HSD17B6: variants seen among roughly 807,000 people sequenced by gnomAD.
HSD17B6 encodes the protein hydroxysteroid 17-beta dehydrogenase 6, also known as 17-beta-hydroxysteroid dehydrogenase type 6.
In HSD17B6, 16 loss-of-function variants were observed where a neutral mutation model predicts 26.4. The observed-to-expected ratio is 0.61, with a 90% CI of 0.41 to 0.92. The LOEUF is 0.92. Ranked by LOEUF, HSD17B6 falls within the 40% of genes least tolerant of loss-of-function variation. The pLI is 0.00. For missense variants in HSD17B6, 357 were observed against 386.1 expected (o/e 0.92, Z 0.63); for synonymous variants, 139 against 153.0 (o/e 0.91, Z 0.68).
intron 2 of HSD17B6, among the ~76,000 whole-genome samples, chr12:56,777,878 T>C (rs1954627088): frequency 6.6e-6 from 1 of 152,116 alleles, no homozygotes; most frequent in African/African-American, 2.4e-5. Flanking sequence ...TAATAAAATA[T>C]TGCTTCTTGT....
intron 2 of HSD17B6, 121 bp from the exon 3 acceptor site, chr12:56,781,853 A>G (rs1438215544): frequency 5.9e-6 from 6 of 1,022,714 alleles, no homozygotes; most frequent in Non-Finnish European, 8.7e-6. Context: ...TTGGGCTGCA[A>G]ACTCTCATGG....
At chr12:56,763,994 AG>A (rs1479823548) in intron 1 of HSD17B6, among the ~76,000 whole-genome samples, 1 of 140,896 alleles carries the variant, frequency 7.1e-6, no homozygotes, top group Non-Finnish European at 1.5e-5. Context: ...ACCTGAGCCC[AG>A]GAGGTCGAGG....
At chr12:56,784,450 G>A (rs1312511071) in intron 3 of HSD17B6, among the ~76,000 whole-genome samples, 5 of 152,154 alleles carry the variant, frequency 3.3e-5, no homozygotes, top group East Asian at 1.9e-4. Flanking sequence ...CAAGGCTGGC[G>A]GATCACTCGC....
intron 3 of HSD17B6, among the ~76,000 whole-genome samples, chr12:56,783,298 G>A (rs1362029414): frequency 5.3e-4 from 77 of 146,652 alleles, no homozygotes; most frequent in Non-Finnish European, 8.1e-4. Flanking sequence ...CGGACGGGGC[G>A]GCTGGCCAGG....
intron 1 of HSD17B6, among the ~76,000 whole-genome samples, chr12:56,769,103 GTT>G (rs35174136): frequency 3.8e-5 from 5 of 129,998 alleles, no homozygotes; most frequent in Non-Finnish European, 8.0e-5. Flanking sequence ...GCTTTTCAAG[GTT>G]TTTTTTTTTT....
intron 1 of HSD17B6, among the ~76,000 whole-genome samples, chr12:56,769,756 T>C (rs896790418): frequency 1.3e-5 from 2 of 152,182 alleles, no homozygotes; most frequent in Non-Finnish European, 2.9e-5. Flanking sequence ...CTTTTGCAGA[T>C]GAATGGTTTG....
intron 2 of HSD17B6, among the ~76,000 whole-genome samples, chr12:56,775,860 C>T (rs1270850685): frequency 6.6e-6 from 1 of 152,200 alleles, no homozygotes; most frequent in Non-Finnish European, 1.5e-5. Flanking sequence ...TCACTCCCCA[C>T]ATTCCTGGCA....
At position 56,784,871 on chromosome 12, in the gene HSD17B6, T is replaced by TG. The variant is rs748678785; in HGVS notation, c.595dup (p.Val199GlyfsTer7). 6.2e-7 allele frequency: 1 copy of TG among 1,613,906 alleles called. No homozygotes were observed. The highest frequency in any genetic ancestry group is 8.5e-7 in the Non-Finnish European group (1 of 1,179,972). ...ATTTCAGGCGTGAGATTCAACATTT[T>TG]GGGGTGAAAATCAGCATAGTTGAAC... On this transcript the variant is annotated frameshift_variant, in exon 4 of 5. Coordinates refer to ENST00000322165, the MANE Select transcript of HSD17B6 (RefSeq NM_003725.4). LOFTEE classifies it high-confidence loss of function.
chr12:56,787,288 A>T lies in HSD17B6; in HGVS notation c.900A>T (p.Ser300=). 7 of 1,614,082 alleles carry T rather than the reference A, an allele frequency of 4.3e-6. No homozygotes were observed. Among genetic ancestry groups the T allele is most frequent in the Non-Finnish European group, 5.9e-6 (7 of 1,180,004 alleles). Residue 300 remains serine, a synonymous_variant, in exon 5 of 5, where the codon TCA becomes TCT. Coordinates refer to ENST00000322165, the MANE Select transcript of HSD17B6 (RefSeq NM_003725.4). The part of the protein sequence containing the change: ...FFIPLSYLPT[S]LADYILTRSW... ...TCCCTCTATCTTATTTACCTACATC[A>T]CTGGCAGACTACATTTTGACTAGAT...
intron 4 of HSD17B6, 51 bp from the exon 5 acceptor site, chr12:56,787,074 A>T (rs1338712010): frequency 2.1e-6 from 3 of 1,404,584 alleles, no homozygotes; most frequent in Non-Finnish European, 3.0e-6. Context: ...GCATGATCTT[A>T]AAAATATAAG....
chr12:56,783,547 C>T (rs532026572), intron 3 of HSD17B6, among the ~76,000 whole-genome samples: 125 of 140,794 alleles, frequency 8.9e-4, no homozygotes, highest in African/African-American at 3.0e-3. Context: ...GGGGCTGAAC[C>T]CCCCCCACCT....
Position 56,775,154 on chromosome 12 carries a change from T to A in HSD17B6, c.313+989T>A, listed in dbSNP as rs560326930. On this transcript the variant is annotated intron_variant, in intron 2 of 4. Transcript: ENST00000322165. ...TTGAGGTCTTTTGTGGCGTTTCATT[T>A]CCTTAACAATGTTTATTTTGTTGTT... 2.3e-4 allele frequency among the ~76,000 whole-genome samples: 35 copies of A among 152,362 alleles called. No homozygotes were observed. In the South Asian group the frequency reaches 7.0e-3, roughly 31 times the overall value.
At chr12:56,781,362 G>A (rs1409629248) in intron 2 of HSD17B6, among the ~76,000 whole-genome samples, 1 of 151,892 alleles carries the variant, frequency 6.6e-6, no homozygotes, top group African/African-American at 2.4e-5. Flanking sequence ...CTTCCACTAT[G>A]TCTATCTACT....
Position 56,787,466 on chromosome 12 carries a change from C to T in HSD17B6, c.*124C>T. ...TGTTTTCTTGCCTAAATTCATTTAT[C>T]TGGCATCATCAGAGTACTAACATGT... On this transcript the variant is annotated 3_prime_UTR_variant, in exon 5 of 5. Coordinates refer to ENST00000322165, the MANE Select transcript of HSD17B6 (RefSeq NM_003725.4). 1.5e-6 allele frequency: 1 copy of T among 653,582 alleles called. No individual in the cohort carries two copies. Among genetic ancestry groups the T allele is most frequent in the African/African-American group, 1.8e-5 (1 of 55,024 alleles). The allele number at this position is 653,582 out of a possible 1,614,324, so 40.5% of individuals were successfully genotyped here.
At chr12:56,767,355 T>TA (rs60616618) in intron 1 of HSD17B6, among the ~76,000 whole-genome samples, 3,314 of 138,720 alleles carry the variant, frequency 0.024, 40 homozygotes, top group Admixed American at 0.027. Flanking sequence ...CACTAAAAAA[T>TA]AAAAAAAAAA....
intron 1 of HSD17B6, among the ~76,000 whole-genome samples, chr12:56,767,819 A>G (rs1014527097): frequency 2.0e-5 from 3 of 146,986 alleles, no homozygotes; most frequent in South Asian, 2.1e-4. Flanking sequence ...TATAATATAT[A>G]TGTGTGTATA....
chr12:56,775,414 C>T (rs916054690), intron 2 of HSD17B6, among the ~76,000 whole-genome samples: 17 of 152,002 alleles, frequency 1.1e-4, no homozygotes, highest in Non-Finnish European at 2.1e-4. Flanking sequence ...TTAGCAGAAA[C>T]ACGGTCTTGG....
intron 3 of HSD17B6, among the ~76,000 whole-genome samples, chr12:56,783,371 C>A (rs1954776556): frequency 7.6e-6 from 1 of 131,016 alleles, no homozygotes; most frequent in Non-Finnish European, 1.6e-5. Context: ...GGGGCTGAGC[C>A]CCCCACCTCC....
chr12:56,765,749 C>T (rs147139461), intron 1 of HSD17B6, among the ~76,000 whole-genome samples: 2 of 152,064 alleles, frequency 1.3e-5, no homozygotes, highest in African/African-American at 4.8e-5. Context: ...TCAAGGAATT[C>T]GCCTACCTCA....
Sources: gnomAD v4.1 joint callset for allele counts (sites outside exome capture counted in the v4.1 genomes callset) on GRCh38, gnomAD v4.1.1 for gene constraint, MANE v1.5 for transcripts, NCBI Gene and HGNC (gene_info 2026-07-23, HGNC 2026-07-21) for gene names.